The following FAM20B variants were observed in gnomAD, a reference collection of about 807,000 sequenced individuals.
FAM20B encodes the protein glycosaminoglycan xylosylkinase.
A neutral mutation model predicts 43.8 loss-of-function variants in FAM20B; 23 were observed. The observed-to-expected ratio is 0.53, with a 90% CI of 0.38 to 0.74. The LOEUF is 0.74. FAM20B is among the 30% of genes least tolerant of loss of function. FAM20B has a pLI of 0.00. For synonymous variants in FAM20B, 178 were observed against 192.4 expected (o/e 0.93, Z 0.62); for missense variants, 440 against 510.5 (o/e 0.86, Z 1.33).
chr1:179,035,181 C>A, intron 1 of FAM20B: 1 of 395,826 alleles, frequency 2.5e-6, no homozygotes, highest in South Asian at 2.2e-5. Flanking sequence ...GATCTGTAGA[C>A]CCCCACACCA....
the FAM20B span, among the ~76,000 whole-genome samples, chr1:179,020,620 C>T: frequency 1.3e-5 from 2 of 152,244 alleles, no homozygotes; most frequent in Non-Finnish European, 1.5e-5. Context: ...AACCTATTAA[C>T]ATGGCCCTGG....
chr1:179,066,819 G>T lies in FAM20B; in HGVS notation c.958G>T (p.Asp320Tyr). 1 of 1,612,960 alleles carries T rather than the reference G, an allele frequency of 6.2e-7. No individual in the cohort carries two copies. Among genetic ancestry groups the T allele is most frequent in the Non-Finnish European group, 8.5e-7 (1 of 1,178,938 alleles). Reference protein sequence around the residue: ...NAKSFGNPSLDERSILAPLYQ... With the variant: ...NAKSFGNPSLYERSILAPLYQ... ...TTTCAGCTTTGGGAACCCCTCGCTG[G>T]ATGAAAGAAGCATTCTTGCCCCTCT... is the stretch of plus-strand genomic sequence containing the variant. The change falls in exon 7 of 8, where the codon GAT (aspartate) becomes TAT (tyrosine). Residue 320 changes from aspartate to tyrosine, a missense_variant. Transcript: ENST00000263733.
chr1:179,054,625 C>T lies in FAM20B; in HGVS notation c.561C>T (p.Thr187=), dbSNP rs200538395. The T allele has an allele frequency of 6.2e-6, 10 of 1,603,382 alleles. No individual in the cohort carries two copies. In the East Asian group the frequency reaches 2.2e-4, roughly 36 times the overall value. Residue 187 remains threonine (T), a synonymous_variant, in exon 4 of 8, where the codon ACC becomes ACT. Transcript: ENST00000263733. ...TCGCCACAGAGCAGCTGTTGAGCAC[C>T]TTCCTAACTGTAGGTAAGAAGATTG... The part of the protein sequence containing the change: ...KPVATEQLLS[T]FLTVGNNTCF...
rs573281499 is a variant in FAM20B at position 179,046,487 on chromosome 1, C to T, written c.377+2263C>T. On this transcript the variant is annotated intron_variant, in intron 2 of 7. Coordinates refer to ENST00000263733, the MANE Select transcript of FAM20B (RefSeq NM_014864.4). Reference sequence around the variant, plus strand: ...CCAACATGGCGAAACCCCATCTCTACTAAAAATACAAAAAATTAGCCGGGC... The same window carrying T: ...CCAACATGGCGAAACCCCATCTCTATTAAAAATACAAAAAATTAGCCGGGC... 2.0e-5 allele frequency among the ~76,000 whole-genome samples: 3 copies of T among 151,592 alleles called. No homozygotes were observed. In the East Asian group the frequency reaches 5.8e-4, roughly 30 times the overall value.
rs1651606128 is a variant in FAM20B at position 179,064,384 on chromosome 1, A to G, written c.826A>G (p.Ile276Val). 6.2e-7 allele frequency: 1 copy of G among 1,614,172 alleles called. No individual in the cohort carries two copies. The highest frequency in any genetic ancestry group is 8.5e-7 in the Non-Finnish European group (1 of 1,180,024). Reference protein sequence around the residue: ...YDSGPRLLDIIDTAVFDYLIG... With the variant: ...YDSGPRLLDIVDTAVFDYLIG... ...CTCTGGCCCGCGCCTCTTGGACATC[A>G]TTGACACAGCTGTCTTTGATTACCT... The change falls in exon 6 of 8, where the codon ATT (isoleucine) becomes GTT (valine). Residue 276 changes from isoleucine to valine, a missense_variant. Ile to Val is a conservative substitution (Grantham distance 29). Coordinates refer to ENST00000263733, the MANE Select transcript of FAM20B (RefSeq NM_014864.4).
chr1:179,049,568 C>T (rs1046369371), intron 2 of FAM20B, among the ~76,000 whole-genome samples: 11 of 152,078 alleles, frequency 7.2e-5, no homozygotes, highest in African/African-American at 2.7e-4. Context: ...TGAGACAGAG[C>T]CTCACTCTGT....
At position 179,043,807 on chromosome 1, in the gene FAM20B, A is replaced by G. The variant is rs779925741; in HGVS notation, c.-41A>G. 6.5e-7 allele frequency: 1 copy of G among 1,546,308 alleles called. No homozygotes were observed. Among genetic ancestry groups the G allele is most frequent in the South Asian group, 1.2e-5 (1 of 80,436 alleles). On this transcript the variant is annotated 5_prime_UTR_variant, in exon 2 of 8. An upstream start codon of the reference 5' UTR is lost. Transcript: ENST00000263733. Reference sequence around the variant, plus strand: ...CATCACCACCAGCTCTCCTTAATACATGAGCAAGAGTGGGTCAGGGGAGAA... The same window carrying G: ...CATCACCACCAGCTCTCCTTAATACGTGAGCAAGAGTGGGTCAGGGGAGAA...
chr1:179,030,903 G>T (rs1355247395), intron 1 of FAM20B, among the ~76,000 whole-genome samples: 3 of 151,820 alleles, frequency 2.0e-5, no homozygotes, highest in Non-Finnish European at 2.9e-5. Flanking sequence ...ATGTGTGTGT[G>T]TGTGTTTGTG....
rs919671809 is a variant in FAM20B at position 179,076,276 on chromosome 1, G to A, written c.*4132G>A. 1.3e-5 allele frequency: 2 copies of A among 152,136 alleles called. No individual in the cohort carries two copies. The highest frequency in any genetic ancestry group is 4.8e-5 in the African/African-American group (2 of 41,426). 9.4% of individuals were successfully genotyped at this position (152,136 alleles called of 1,614,324 possible). On this transcript the variant is annotated 3_prime_UTR_variant, in exon 8 of 8. Coordinates refer to ENST00000263733, the MANE Select transcript of FAM20B (RefSeq NM_014864.4). ...TGGGTGGTGACAAGGTAGGGGCTAGGTACTGGACTACCACAGGTTTTTAGG... is the reference window on the plus strand; with the variant it reads ...TGGGTGGTGACAAGGTAGGGGCTAGATACTGGACTACCACAGGTTTTTAGG...
chr1:179,043,239 A>G (rs1281841393), intron 1 of FAM20B, among the ~76,000 whole-genome samples: 1 of 152,206 alleles, frequency 6.6e-6, no homozygotes, highest in Admixed American at 6.5e-5. Flanking sequence ...CACTGCCCCA[A>G]CCACATATAT....
At chr1:179,031,430 G>A (rs1650007296) in intron 1 of FAM20B, among the ~76,000 whole-genome samples, 1 of 152,166 alleles carries the variant, frequency 6.6e-6, no homozygotes, top group Non-Finnish European at 1.5e-5. Context: ...TCAAGGAAGA[G>A]GGTTGCCCTA....
intron 2 of FAM20B, among the ~76,000 whole-genome samples, chr1:179,047,481 T>C (rs1650821924): frequency 6.6e-6 from 1 of 152,202 alleles, no homozygotes; most frequent in Non-Finnish European, 1.5e-5. Context: ...TTTTGCTCTT[T>C]GTTTCTGTCA....
At position 179,075,047 on chromosome 1, in the gene FAM20B, CA is replaced by C. The variant is rs1198804713; in HGVS notation, c.*2904del. 1 of 152,004 alleles carries C rather than the reference CA, an allele frequency of 6.6e-6. No homozygotes were observed. Among genetic ancestry groups the C allele is most frequent in the Non-Finnish European group, 1.5e-5 (1 of 67,998 alleles). 9.4% of individuals were successfully genotyped at this position (152,004 alleles called of 1,614,324 possible). A position where few individuals can be genotyped will look rare whatever the true frequency, so the allele number is the denominator to read the frequency against. Reference sequence around the variant, plus strand: ...TCTCTACTAAAAATGCAAAAATTAACAGGGCACGGTGGCATGCGCCTGTAGT... The same window carrying C: ...TCTCTACTAAAAATGCAAAAATTAACGGGCACGGTGGCATGCGCCTGTAGT... On this transcript the variant is annotated 3_prime_UTR_variant, in exon 8 of 8. Transcript: ENST00000263733.
intron 2 of FAM20B, 31 bp downstream of exon 2, chr1:179,044,255 T>C (rs1300757523): frequency 1.9e-6 from 3 of 1,561,228 alleles, no homozygotes; most frequent in Non-Finnish European, 2.6e-6. Context: ...CTGCATGTGC[T>C]AGTTGGTTGA....
upstream of FAM20B, among the ~76,000 whole-genome samples, chr1:179,025,320 G>C (rs1456089624): frequency 6.6e-6 from 1 of 152,230 alleles, no homozygotes; most frequent in African/African-American, 2.4e-5. Context: ...AGATGCTCCT[G>C]AAAGTATGTA....
At chr1:179,044,941 C>T (rs1417045650) in intron 2 of FAM20B, among the ~76,000 whole-genome samples, 1 of 152,232 alleles carries the variant, frequency 6.6e-6, no homozygotes. Flanking sequence ...ATTCCTGTTG[C>T]TCCACATCCT....
rs566212576 is a variant in FAM20B at position 179,045,643 on chromosome 1, G to T, written c.377+1419G>T. 2.0e-5 allele frequency among the ~76,000 whole-genome samples: 3 copies of T among 152,288 alleles called. No homozygotes were observed. The East Asian group carries it at 5.8e-4, about 29-fold the overall frequency. On this transcript the variant is annotated intron_variant, in intron 2 of 7. Coordinates refer to ENST00000263733, the MANE Select transcript of FAM20B (RefSeq NM_014864.4). ...ACTGGGGCTGGGCGTGATGGCTCAT[G>T]CCTGTAATCCCAGCACTTGGGGAGG...
At chr1:179,035,590 G>GA in intron 1 of FAM20B, 1 of 569,012 alleles carries the variant, frequency 1.8e-6, no homozygotes, top group South Asian at 1.7e-5. Flanking sequence ...TTCATGCAGC[G>GA]AATGGCTGCA....
the FAM20B span, among the ~76,000 whole-genome samples, chr1:179,018,564 C>T: frequency 6.6e-6 from 1 of 152,304 alleles, no homozygotes; most frequent in East Asian, 1.9e-4. Context: ...GCCTCAGCCT[C>T]CCAAAGTGCT....
Sources: gnomAD v4.1 joint callset for allele counts (sites outside exome capture counted in the v4.1 genomes callset) on GRCh38, gnomAD v4.1.1 for gene constraint, MANE v1.5 for transcripts, NCBI Gene and HGNC (gene_info 2026-07-23, HGNC 2026-07-21) for gene names.